Variants in FSIP2 observed in about 807,000 individuals in gnomAD.
FSIP2 encodes fibrous sheath-interacting protein 2.
In FSIP2, 367 loss-of-function variants were observed where a neutral mutation model predicts 510.5. That is an observed-to-expected ratio of 0.72 (90% CI 0.66 to 0.78). The LOEUF (loss-of-function observed/expected upper bound fraction) is 0.78. Among genes scored for constraint, FSIP2 ranks in the 30% least tolerant of loss-of-function variants. FSIP2 has a pLI of 0.00. For synonymous variants in FSIP2, 2,601 were observed against 2,732.2 expected (o/e 0.95, Z 1.50); for missense variants, 7,594 against 7,901.7 (o/e 0.96, Z 1.48).
Position 185,804,283 on chromosome 2 carries a change from G to A in FSIP2, c.14977G>A (p.Val4993Ile). 1.3e-6 allele frequency: 2 copies of A among 1,526,878 alleles called. No individual in the cohort carries two copies. The highest frequency in any genetic ancestry group is 1.2e-5 in the South Asian group (1 of 82,134). The allele number at this position is 1,526,878 out of a possible 1,614,324, so 94.6% of individuals were successfully genotyped here. A position where few individuals can be genotyped will look rare whatever the true frequency, so the allele number is the denominator to read the frequency against. The change falls in exon 17 of 23, where the codon GTT (valine) becomes ATT (isoleucine). Residue 4993 changes from valine to isoleucine, a missense_variant. Transcript: ENST00000424728. ...RIVTTLVNSI[V>I]LEFTTSEILV... ...TGTTACAACATTGGTAAATTCAATT[G>A]TTCTGGAGTTCACCACATCAGAGAT...
Position 185,796,449 on chromosome 2 carries a change from G to T in FSIP2, c.9313G>T (p.Glu3105Ter), listed in dbSNP as rs73045076. 6.5e-7 allele frequency: 1 copy of T among 1,534,802 alleles called. No homozygotes were observed. Among genetic ancestry groups the T allele is most frequent in the South Asian group, 1.2e-5 (1 of 84,000 alleles). Residue 3105 changes from glutamate to a stop codon, truncating the protein, a stop_gained, in exon 16 of 23, where the codon GAA becomes TAA. Transcript: ENST00000424728. LOFTEE classifies it high-confidence loss of function. ...NKLDNEISQMEPSSISILKEN... is the reference protein window; with the variant it reads ...NKLDNEISQM The stretch of plus-strand genomic sequence containing the variant: ...GCTAGACAACGAAATAAGCCAAATG[G>T]AACCATCTTCAATTAGCATATTGAA...
chr2:185,750,519 C>T (rs113249480), intron 7 of FSIP2, among the ~76,000 whole-genome samples: 1 of 150,046 alleles, frequency 6.7e-6, no homozygotes, highest in African/African-American at 2.4e-5. Flanking sequence ...TCAGTCCTGG[C>T]TAGAGTTGCT....
rs1179973691 is a variant in FSIP2 at position 185,788,903 on chromosome 2, C to A, written c.1767C>A (p.Asp589Glu). The change falls in exon 16 of 23, where the codon GAC becomes GAA. Residue 589 changes from aspartate (D) to glutamate (E), a missense_variant. Physicochemically the swap from Asp to Glu is conservative, Grantham distance 45 (BLOSUM62 2). Coordinates refer to ENST00000424728, the MANE Select transcript of FSIP2 (RefSeq NM_173651.4). ...FQAEPCAFVVDTSVRRPTTPI... is the reference protein window; with the variant it reads ...FQAEPCAFVVETSVRRPTTPI... ...CAGAACCCTGTGCATTTGTAGTTGA[C>A]ACGTCAGTAAGGAGACCAACCACAC... The A allele has an allele frequency of 1.3e-6, 2 of 1,534,930 alleles. No homozygotes were observed. The highest frequency in any genetic ancestry group is 1.7e-6 in the Non-Finnish European group (2 of 1,146,054).
chr2:185,749,182 AC>A (rs2105537602), intron 7 of FSIP2, among the ~76,000 whole-genome samples: 1 of 151,704 alleles, frequency 6.6e-6, no homozygotes, highest in Non-Finnish European at 1.5e-5. Context: ...TTCTACCAAA[AC>A]GTCTTGCTGA....
chr2:185,748,962 G>T (rs1357313852), intron 7 of FSIP2, among the ~76,000 whole-genome samples: 10 of 151,896 alleles, frequency 6.6e-5, no homozygotes, highest in African/African-American at 2.2e-4. Flanking sequence ...TCATAGTTTA[G>T]ATTTTGCTCT....
At chr2:185,817,884 T>A (rs1002797096) in intron 19 of FSIP2, among the ~76,000 whole-genome samples, 1 of 151,652 alleles carries the variant, frequency 6.6e-6, no homozygotes, top group Non-Finnish European at 1.5e-5. Context: ...AACAGAAAAA[T>A]TATAAAAAAG....
rs1407908090 is a variant in FSIP2, at chr2:185,789,018, T to C, written c.1882T>C (p.Tyr628His). The C allele has an allele frequency of 6.5e-7, 1 of 1,533,926 alleles. No homozygotes were observed. Among genetic ancestry groups the C allele is most frequent in the Admixed American group, 2.0e-5 (1 of 50,820 alleles). ...ACAATCTATAATCTCTAAACATAAA[T>C]ATAATAAAACCAACTTGCTATATTC... ...KGQSIISKHKYNKTNLLYSYP... is the reference protein window; with the variant it reads ...KGQSIISKHKHNKTNLLYSYP... The change falls in exon 16 of 23, where the codon TAT becomes CAT. Residue 628 changes from tyrosine (Y) to histidine (H), a missense_variant. Tyr to His is a moderately conservative substitution (Grantham distance 83). Transcript: ENST00000424728.
At chr2:185,826,597 ACTTT>A (rs1694015561) in intron 20 of FSIP2, among the ~76,000 whole-genome samples, 1 of 151,682 alleles carries the variant, frequency 6.6e-6, no homozygotes, top group African/African-American at 2.4e-5. Context: ...ACTGGATAAA[ACTTT>A]CTGTTATACT....
rs886422259 is a variant in FSIP2, at chr2:185,822,006, C to T, written c.20427-2428C>T. Among the ~76,000 whole-genome samples, 122 of 150,632 alleles carry T rather than the reference C, an allele frequency of 8.1e-4. 2 individuals carry two copies. Among genetic ancestry groups the T allele is most frequent in the Non-Finnish European group, 1.5e-4 (10 of 67,756 alleles). ...CAAATGATGCAGGAAAACCATTTGA[C>T]GAAAGTTAAATAGTTTACATGGATA... On this transcript the variant is annotated intron_variant, in intron 19 of 22. Transcript: ENST00000424728.
Position 185,804,443 on chromosome 2 carries a change from T to C in FSIP2, c.15137T>C (p.Ile5046Thr), listed in dbSNP as rs1010559958. 1.2e-5 allele frequency: 18 copies of C among 1,516,964 alleles called. No individual in the cohort carries two copies. The Admixed American group carries it at 3.7e-4, about 31-fold the overall frequency. 94.0% of individuals were successfully genotyped at this position (1,516,964 alleles called of 1,614,324 possible). A position where few individuals can be genotyped will look rare whatever the true frequency, so the allele number is the denominator to read the frequency against. ...YKSLIQIHRV[I>T]QSDTICFGRK... ...TCTCTGATTCAAATACATAGGGTTATACAAAGTGACACAATATGTTTTGGT... is the reference window on the plus strand; with the variant it reads ...TCTCTGATTCAAATACATAGGGTTACACAAAGTGACACAATATGTTTTGGT... Residue 5046 changes from isoleucine to threonine, a missense_variant, in exon 17 of 23, where the codon ATA becomes ACA. Physicochemically the swap from Ile to Thr is moderately conservative, Grantham distance 89. Transcript: ENST00000424728.
chr2:185,778,375 C>A (rs923945248), intron 13 of FSIP2, among the ~76,000 whole-genome samples: 1 of 151,874 alleles, frequency 6.6e-6, no homozygotes, highest in East Asian at 1.9e-4. Flanking sequence ...CTTTTTAGAA[C>A]AGTATGTGAA....
chr2:185,766,908 G>T (rs1304149849), intron 13 of FSIP2, among the ~76,000 whole-genome samples: 1 of 116,532 alleles, frequency 8.6e-6, no homozygotes, highest in Non-Finnish European at 1.8e-5. Context: ...GCAAAGACTT[G>T]GAACCAACCC....
intron 2 of FSIP2, 144 bp from the exon 3 acceptor site, chr2:185,742,989 C>A: frequency 1.7e-6 from 1 of 600,272 alleles, no homozygotes; most frequent in Non-Finnish European, 2.7e-6. Context: ...AAAGCATGCC[C>A]AACTCCAATT....
chr2:185,815,793 G>A (rs1297916801), intron 19 of FSIP2, among the ~76,000 whole-genome samples: 1 of 152,022 alleles, frequency 6.6e-6, no homozygotes, highest in Non-Finnish European at 1.5e-5. Flanking sequence ...AATGAAATAT[G>A]CAGTATCAGT....
At position 185,807,093 on chromosome 2, in the gene FSIP2, A is replaced by C; in HGVS notation, c.17787A>C (p.Gly5929=). Residue 5929 remains glycine, a synonymous_variant, in exon 17 of 23, where the codon GGA becomes GGC. Coordinates refer to ENST00000424728, the MANE Select transcript of FSIP2 (RefSeq NM_173651.4). ...SSVCNILNDY[G]SQDSIWKNIN... is the part of the protein sequence containing the mutation. ...TTTGTAATATTTTAAATGACTATGG[A>C]TCTCAAGACTCTATTTGGAAGAATA... 6.3e-7 allele frequency: 1 copy of C among 1,596,260 alleles called. No individual in the cohort carries two copies. The highest frequency in any genetic ancestry group is 1.1e-5 in the South Asian group (1 of 87,374).
intron 14 of FSIP2, among the ~76,000 whole-genome samples, chr2:185,785,515 G>C (rs1692950957): frequency 6.6e-6 from 1 of 151,986 alleles, no homozygotes; most frequent in Non-Finnish European, 1.5e-5. Context: ...AAAAGCAGCA[G>C]TACAAATCAG....
chr2:185,796,300 C>A lies in FSIP2; in HGVS notation c.9164C>A (p.Ser3055Ter), dbSNP rs2105626858. Residue 3055 changes from serine (S) to a stop codon, truncating the protein, a stop_gained, in exon 16 of 23, where the codon TCA (serine) becomes TAA (stop). Transcript: ENST00000424728. LOFTEE classifies it high-confidence loss of function. ...AAAATGTTTTCTGATAAATCCGAGT[C>A]AAATACTATTAATTTCAAGGAAAAC... ...PLKMFSDKSE[S>*]NTINFKENIQ... 3 of 1,533,424 alleles carry A rather than the reference C, an allele frequency of 2.0e-6. No homozygotes were observed. The highest frequency in any genetic ancestry group is 2.4e-5 in the South Asian group (2 of 83,758). The allele number at this position is 1,533,424 out of a possible 1,614,324, so 95.0% of individuals were successfully genotyped here. A position where few individuals can be genotyped will look rare whatever the true frequency, so the allele number is the denominator to read the frequency against.
chr2:185,776,438 T>C (rs1054828616), intron 13 of FSIP2, among the ~76,000 whole-genome samples: 1 of 152,200 alleles, frequency 6.6e-6, no homozygotes, highest in Non-Finnish European at 1.5e-5. Context: ...TCCCTTTCAG[T>C]GTAATGGTTA....
Position 185,804,714 on chromosome 2 carries a change from A to C in FSIP2, c.15408A>C (p.Glu5136Asp). Residue 5136 changes from glutamate to aspartate, a missense_variant, in exon 17 of 23, where the codon GAA (glutamate) becomes GAC (aspartate). Coordinates refer to ENST00000424728, the MANE Select transcript of FSIP2 (RefSeq NM_173651.4). ...ATGTCTTCCCTTCAACTCACACTGA[A>C]AATGAACTAAAAGAGAAAAAGTTTC... is the stretch of plus-strand genomic sequence containing the variant. Reference protein sequence around the residue: ...LGHVFPSTHTENELKEKKFPP... With the variant: ...LGHVFPSTHTDNELKEKKFPP... The C allele has an allele frequency of 2.0e-6, 3 of 1,530,860 alleles. No individual in the cohort carries two copies. Among genetic ancestry groups the C allele is most frequent in the Non-Finnish European group, 2.6e-6 (3 of 1,144,438 alleles). 94.8% of individuals were successfully genotyped at this position (1,530,860 alleles called of 1,614,324 possible). A position where few individuals can be genotyped will look rare whatever the true frequency, so the allele number is the denominator to read the frequency against.
Sources: gnomAD v4.1 joint callset for allele counts (sites outside exome capture counted in the v4.1 genomes callset) on GRCh38, gnomAD v4.1.1 for gene constraint, MANE v1.5 for transcripts, NCBI Gene and HGNC (gene_info 2026-07-23, HGNC 2026-07-21) for gene names.